Variants in GRIN2B observed in about 807,000 individuals in gnomAD.
GRIN2B encodes the protein glutamate receptor ionotropic, NMDA 2B.
Under a neutral mutation model 114.5 loss-of-function variants are expected in GRIN2B, and 5 were observed. The observed-to-expected ratio is 0.04, with a 90% CI of 0.02 to 0.09. The LOEUF (loss-of-function observed/expected upper bound fraction) is 0.09, where lower values mean the gene tolerates loss of function less well. Among genes scored for constraint, GRIN2B ranks in the 10% least tolerant of loss-of-function variants. The pLI is 1.00. For synonymous variants in GRIN2B, 787 were observed against 745.1 expected, an observed-to-expected ratio of 1.06 and a Z score of -0.92; for missense variants, 1,108 against 1,943.5, an observed-to-expected ratio of 0.57 and a Z score of 8.08.
chr12:13,766,499 G>A (rs572534666), intron 3 of GRIN2B, among the ~76,000 whole-genome samples: 2 of 152,274 alleles, frequency 1.3e-5, no homozygotes, highest in Admixed American at 1.3e-4. Context: ...ACTGTTCCTT[G>A]TATTTGTCCT....
At chr12:13,952,532 C>T (rs974954358) in intron 2 of GRIN2B, among the ~76,000 whole-genome samples, 1 of 152,198 alleles carries the variant, frequency 6.6e-6, no homozygotes, top group Non-Finnish European at 1.5e-5. Context: ...TTTCCTCTCT[C>T]CTTCCTGCAT....
At position 13,888,781 on chromosome 12, in the gene GRIN2B, G is replaced by T. The variant is rs576311617; in HGVS notation, c.-18-22555C>A. ...TACAGTATAAAAGATTTTTTAAAAC[G>T]GTATAAAAGATAAAAAAAAAAAAAT... On this transcript the variant is annotated intron_variant, in intron 2 of 13. Transcript: ENST00000609686. Among the ~76,000 whole-genome samples the T allele has an allele frequency of 3.1e-5, 3 of 97,682 alleles. No individual in the cohort carries two copies. In the Admixed American group the frequency reaches 3.1e-4, roughly 10 times the overall value. The allele number at this position is 97,682 out of a possible 152,430, so 64.1% of individuals were successfully genotyped here. A position where few individuals can be genotyped will look rare whatever the true frequency, so the allele number is the denominator to read the frequency against.
intron 4 of GRIN2B, among the ~76,000 whole-genome samples, chr12:13,744,552 AC>A: frequency 6.6e-6 from 1 of 152,282 alleles, no homozygotes; most frequent in East Asian, 1.9e-4. Context: ...TGAACAAAAC[AC>A]CCAATAAAGA....
intron 11 of GRIN2B, among the ~76,000 whole-genome samples, chr12:13,570,836 G>A (rs1265759204): frequency 6.6e-6 from 1 of 152,156 alleles, no homozygotes; most frequent in Non-Finnish European, 1.5e-5. Flanking sequence ...AGAAAGAAAA[G>A]CAACACCATT....
chr12:13,713,250 C>T (rs1950429685), intron 4 of GRIN2B, among the ~76,000 whole-genome samples: 1 of 151,800 alleles, frequency 6.6e-6, no homozygotes. Context: ...TGATGCTCTC[C>T]TTTTATGCTC....
intron 4 of GRIN2B, among the ~76,000 whole-genome samples, chr12:13,751,888 T>C (rs1863489908): frequency 6.6e-6 from 1 of 151,720 alleles, no homozygotes; most frequent in Non-Finnish European, 1.5e-5. Context: ...AAAACAGGAG[T>C]GTGCTAAGGA....
At chr12:13,719,642 G>C (rs527285955) in intron 4 of GRIN2B, among the ~76,000 whole-genome samples, 1 of 152,100 alleles carries the variant, frequency 6.6e-6, no homozygotes, top group South Asian at 2.1e-4. Flanking sequence ...TGAAACTTGT[G>C]ATAAGCCCAA....
At chr12:13,655,800 T>C (rs533726288) in intron 5 of GRIN2B, among the ~76,000 whole-genome samples, 9 of 152,212 alleles carry the variant, frequency 5.9e-5, no homozygotes, top group Non-Finnish European at 1.2e-4. Context: ...TGTAGACATA[T>C]TATAGTGTTA....
chr12:13,621,350 G>GTAGCGAGAAGAACTGAATGAAGAA (rs1377990643), intron 5 of GRIN2B, among the ~76,000 whole-genome samples: 1 of 152,106 alleles, frequency 6.6e-6, no homozygotes, highest in Non-Finnish European at 1.5e-5. Flanking sequence ...CAGAGACAAT[G>GTAGCGAGAAGAACTGAATGAAGAA]TAGCGAGAAG....
At position 13,548,818 on chromosome 12, in the gene GRIN2B, T is replaced by A. The variant is rs1050666324; in HGVS notation, c.*13965A>T. On this transcript the variant is annotated 3_prime_UTR_variant, in exon 14 of 14. Transcript: ENST00000609686. ...TGCCCACCTCCTCCCCCCATCTTCA[T>A]GCATGGGAATAAAAGCTACCTCCTC... 1.3e-5 allele frequency: 2 copies of A among 152,104 alleles called. No homozygotes were observed. Among genetic ancestry groups the A allele is most frequent in the Non-Finnish European group, 2.9e-5 (2 of 68,026 alleles). 9.4% of individuals were successfully genotyped at this position (152,104 alleles called of 1,614,324 possible). A position where few individuals can be genotyped will look rare whatever the true frequency, so the allele number is the denominator to read the frequency against.
chr12:13,748,791 G>A (rs1014747279), intron 4 of GRIN2B, among the ~76,000 whole-genome samples: 4 of 152,184 alleles, frequency 2.6e-5, no homozygotes, highest in Admixed American at 1.3e-4. Context: ...TGTATTCAAA[G>A]TAGGGTTGCC....
rs946411565 is a variant in GRIN2B, at chr12:13,563,455, C to T, written c.3783G>A (p.Gln1261=). The T allele has an allele frequency of 1.2e-6, 2 of 1,614,202 alleles. No individual in the cohort carries two copies. Among genetic ancestry groups the T allele is most frequent in the African/African-American group, 1.3e-5 (1 of 75,052 alleles). The change falls in exon 14 of 14, where the codon CAG becomes CAA. Residue 1261 remains glutamine, a synonymous_variant. Coordinates refer to ENST00000609686, the MANE Select transcript of GRIN2B (RefSeq NM_000834.5). The part of the protein sequence containing the change: ...LYDISEDNSL[Q]ELDQPAAPVA... ...CTGGGGCAGCCGGCTGGTCCAGTTC[C>T]TGCAGGGAGTTGTCCTCACTGATGT...
At chr12:13,868,145 CAAG>C (rs998832365) in intron 2 of GRIN2B, among the ~76,000 whole-genome samples, 1 of 152,080 alleles carries the variant, frequency 6.6e-6, no homozygotes, top group African/African-American at 2.4e-5. Context: ...TCAACACTGC[CAAG>C]AAGGAGACCT....
At chr12:13,705,646 A>G (rs548576518) in intron 4 of GRIN2B, among the ~76,000 whole-genome samples, 1 of 152,286 alleles carries the variant, frequency 6.6e-6, no homozygotes, top group African/African-American at 2.4e-5. Flanking sequence ...ATAGTCCACA[A>G]GCTTCCCCAC....
intron 2 of GRIN2B, among the ~76,000 whole-genome samples, chr12:13,958,290 G>A (rs1350652157): frequency 6.6e-6 from 1 of 152,136 alleles, no homozygotes; most frequent in Non-Finnish European, 1.5e-5. Flanking sequence ...TAAGGCAACA[G>A]GGTTCAATGG....
At chr12:13,685,544 G>A (rs1018450198) in intron 4 of GRIN2B, among the ~76,000 whole-genome samples, 1 of 152,144 alleles carries the variant, frequency 6.6e-6, no homozygotes, top group Non-Finnish European at 1.5e-5. Context: ...AGGGTCAAGG[G>A]GACATTTCCA....
At chr12:13,804,157 C>CTT (rs10626018) in intron 3 of GRIN2B, among the ~76,000 whole-genome samples, 29,285 of 143,240 alleles carry the variant, frequency 0.2, 3,635 homozygotes, top group South Asian at 0.34. Context: ...CTGCAGCTCT[C>CTT]TTTTTTTTTT....
At chr12:13,851,672 T>C (rs754674463) in intron 3 of GRIN2B, among the ~76,000 whole-genome samples, 1 of 152,218 alleles carries the variant, frequency 6.6e-6, no homozygotes, top group Non-Finnish European at 1.5e-5. Context: ...AACTATAAAT[T>C]CTACCAAGCT....
intron 5 of GRIN2B, 116 bp from the exon 6 acceptor site, chr12:13,616,773 A>C: frequency 2.5e-6 from 2 of 791,938 alleles, no homozygotes; most frequent in Non-Finnish European, 4.5e-6. Context: ...AACAAGTGCC[A>C]ACATTGTACA....
Sources: allele counts gnomAD v4.1 joint callset (sites outside exome capture counted in the v4.1 genomes callset), GRCh38; gene constraint gnomAD v4.1.1; transcripts MANE v1.5; gene names NCBI Gene and HGNC (gene_info 2026-07-23, HGNC 2026-07-21).